SAMMSON: variants seen among roughly 807,000 people sequenced by gnomAD.
The protein encoded by SAMMSON is long intergenic non-protein coding RNA 1212.
intron 4 of SAMMSON, among the ~76,000 whole-genome samples, chr3:70,182,032 G>A (rs1009946373): frequency 1.3e-5 from 2 of 152,126 alleles, no homozygotes; most frequent in Non-Finnish European, 2.9e-5. Flanking sequence ...GACACTGGCA[G>A]GATGAAATGA....
chr3:70,000,743 A>T (rs1458416439), intron 1 of SAMMSON, among the ~76,000 whole-genome samples: 4 of 152,198 alleles, frequency 2.6e-5, no homozygotes, highest in African/African-American at 9.7e-5. Context: ...TTTTACAGTC[A>T]TCTCAGCCCA....
intron 2 of SAMMSON, among the ~76,000 whole-genome samples, chr3:70,433,477 A>C (rs1046919170): frequency 6.6e-6 from 1 of 151,774 alleles, no homozygotes; most frequent in Non-Finnish European, 1.5e-5. Context: ...GACTGTTTAG[A>C]TCTTTTGCCT....
At chr3:70,120,477 T>A (rs1384072616) in intron 4 of SAMMSON, 1 of 152,218 alleles carries the variant, frequency 6.6e-6, no homozygotes, top group African/African-American at 2.4e-5. Flanking sequence ...TTTGGTTTCT[T>A]CTCGCCATAC....
At chr3:70,086,246 A>G (rs1254729185) in intron 4 of SAMMSON, among the ~76,000 whole-genome samples, 2 of 152,200 alleles carry the variant, frequency 1.3e-5, no homozygotes, top group African/African-American at 2.4e-5. Context: ...CCAGGGAGTT[A>G]TACCTGATAG....
intron 3 of SAMMSON, among the ~76,000 whole-genome samples, chr3:70,038,786 A>G (rs577076135): frequency 1.3e-5 from 2 of 152,280 alleles, no homozygotes; most frequent in African/African-American, 2.4e-5. Flanking sequence ...GACTGAATGA[A>G]TAGAAACAAT....
chr3:70,064,990 G>C (rs1050043865), intron 3 of SAMMSON, among the ~76,000 whole-genome samples: 1 of 152,006 alleles, frequency 6.6e-6, no homozygotes. Flanking sequence ...GTAATGTACT[G>C]AGCCAGAAAA....
intron 7 of SAMMSON, among the ~76,000 whole-genome samples, chr3:70,313,392 C>A (rs1253293133): frequency 6.6e-6 from 1 of 151,538 alleles, no homozygotes; most frequent in Non-Finnish European, 1.5e-5. Flanking sequence ...GTGGGAGAAT[C>A]CCTTGAGCCT....
intron 4 of SAMMSON, among the ~76,000 whole-genome samples, chr3:70,236,685 T>C (rs1023992037): frequency 2.6e-5 from 4 of 152,100 alleles, no homozygotes; most frequent in African/African-American, 9.7e-5. Context: ...AGTCTCAACC[T>C]CCCAGGTCCA....
intron 6 of SAMMSON, among the ~76,000 whole-genome samples, chr3:70,259,594 A>G (rs1309735015): frequency 6.6e-6 from 1 of 152,050 alleles, no homozygotes; most frequent in Admixed American, 6.6e-5. Flanking sequence ...TACTCCTCCA[A>G]ATTCACTTTC....
chr3:70,289,880 G>A lies in SAMMSON; in HGVS notation n.675-1299G>A, dbSNP rs1434799534. ...CTCCTGAGGCTTCTGCATTCTTCAC[G>A]TAGTTCTCGAGCCTTGGTTTTCAGC... On this transcript the variant is annotated intron_variant and non_coding_transcript_variant, in intron 6 of 9. Coordinates refer to ENST00000642114, the Ensembl canonical transcript of SAMMSON. 1.4e-4 allele frequency among the ~76,000 whole-genome samples: 21 copies of A among 151,636 alleles called. 1 individual carries two copies. Among genetic ancestry groups the A allele is most frequent in the Non-Finnish European group, 1.2e-4 (8 of 67,884 alleles).
At chr3:70,257,128 G>A (rs1345303776) in intron 6 of SAMMSON, among the ~76,000 whole-genome samples, 1 of 152,192 alleles carries the variant, frequency 6.6e-6, no homozygotes, top group African/African-American at 2.4e-5. Flanking sequence ...TACTTTTCTA[G>A]AAAATGATTT....
chr3:70,019,646 G>T (rs1314688759), intron 3 of SAMMSON, among the ~76,000 whole-genome samples: 5 of 152,142 alleles, frequency 3.3e-5, no homozygotes, highest in Non-Finnish European at 5.9e-5. Context: ...TGGTTATTCT[G>T]CTCGTCAGTT....
At chr3:70,248,424 C>T (rs1475987245) in intron 4 of SAMMSON, among the ~76,000 whole-genome samples, 2 of 151,986 alleles carry the variant, frequency 1.3e-5, no homozygotes, top group South Asian at 2.1e-4. Context: ...ATTAGAAGCA[C>T]ACTGGTTTGA....
At chr3:70,282,550 G>C (rs1702098036) in intron 6 of SAMMSON, among the ~76,000 whole-genome samples, 1 of 152,134 alleles carries the variant, frequency 6.6e-6, no homozygotes, top group Admixed American at 6.5e-5. Context: ...TGTTGGCTTT[G>C]AACATTCCAA....
At chr3:70,287,683 G>C (rs1277809920) in intron 6 of SAMMSON, among the ~76,000 whole-genome samples, 1 of 152,002 alleles carries the variant, frequency 6.6e-6, no homozygotes, top group Non-Finnish European at 1.5e-5. Flanking sequence ...GAATCCGTCT[G>C]GTCCTGGACT....
intron 2 of SAMMSON, among the ~76,000 whole-genome samples, chr3:70,398,891 T>C (rs182035874): frequency 1.3e-5 from 2 of 152,346 alleles, no homozygotes; most frequent in East Asian, 3.9e-4. Flanking sequence ...TGTGGTTTTA[T>C]ATTGCTAGAA....
intron 3 of SAMMSON, among the ~76,000 whole-genome samples, chr3:70,062,009 C>T (rs1420872400): frequency 6.6e-6 from 1 of 152,054 alleles, no homozygotes; most frequent in Admixed American, 6.6e-5. Context: ...TATTTTTGAT[C>T]CCTGGCCTTA....
intron 3 of SAMMSON, among the ~76,000 whole-genome samples, chr3:70,033,879 A>G (rs567623271): frequency 2.0e-5 from 3 of 152,108 alleles, no homozygotes; most frequent in Non-Finnish European, 4.4e-5. Context: ...AATATGGAAA[A>G]AGGAGGATGT....
intron 3 of SAMMSON, among the ~76,000 whole-genome samples, chr3:70,040,153 A>G (rs1164014836): frequency 1.3e-5 from 2 of 152,182 alleles, no homozygotes; most frequent in East Asian, 3.9e-4. Flanking sequence ...CCACATCTAT[A>G]TGATAAATAT....
Sources: gnomAD v4.1 joint callset for allele counts (sites outside exome capture counted in the v4.1 genomes callset) on GRCh38, gnomAD v4.1.1 for gene constraint, MANE v1.5 for transcripts, NCBI Gene and HGNC (gene_info 2026-07-23, HGNC 2026-07-21) for gene names.